Variants in GPR139 observed in about 807,000 individuals in gnomAD.
GPR139 encodes the protein G protein-coupled receptor 139, also known as probable G protein-coupled receptor 139.
GPR139 carries 12 observed loss-of-function variants against 25.8 expected under a neutral mutation model. The ratio of observed to expected loss-of-function variants is 0.47; its 90% CI spans 0.30 to 0.75. The LOEUF (loss-of-function observed/expected upper bound fraction) is 0.75. Ranked by LOEUF, GPR139 falls within the 30% of genes least tolerant of loss-of-function variation. GPR139 has a pLI of 0.07. For missense variants in GPR139, 380 were observed against 450.2 expected (o/e 0.84, Z 1.41); for synonymous variants, 184 against 179.9 (o/e 1.02, Z -0.18).
chr16:20,067,254 C>T (rs530725602), intron 1 of GPR139, among the ~76,000 whole-genome samples: 1 of 152,336 alleles, frequency 6.6e-6, no homozygotes, highest in East Asian at 1.9e-4. Context: ...CATCATTGGT[C>T]TATGCTCATG....
chr16:20,059,011 G>A (rs1323792388), intron 1 of GPR139, among the ~76,000 whole-genome samples: 1 of 152,144 alleles, frequency 6.6e-6, no homozygotes, highest in Non-Finnish European at 1.5e-5. Flanking sequence ...ATTTTATGTG[G>A]AGTCTGAAGG....
chr16:20,051,409 A>G (rs72772730), intron 1 of GPR139, among the ~76,000 whole-genome samples: 12,403 of 152,096 alleles, frequency 0.082, 594 homozygotes, highest in Non-Finnish European at 0.11. Flanking sequence ...CCCCAAGGCT[A>G]CCTCCCTAAT....
At chr16:20,044,594 T>A (rs2057347447) in intron 1 of GPR139, among the ~76,000 whole-genome samples, 2 of 152,012 alleles carry the variant, frequency 1.3e-5, no homozygotes, top group African/African-American at 4.8e-5. Context: ...AAAGAAGAGA[T>A]CCCTACTGTT....
intron 1 of GPR139, among the ~76,000 whole-genome samples, chr16:20,064,006 AAG>A (rs1162882288): frequency 2.0e-5 from 3 of 152,242 alleles, no homozygotes; most frequent in Non-Finnish European, 4.4e-5. Flanking sequence ...GGTGGCAGGA[AAG>A]AGAGAGCTAG....
Position 20,032,665 on chromosome 16 carries a change from A to G in GPR139, c.132T>C (p.Asn44=). The change falls in exon 2 of 2, where the codon AAT becomes AAC. Residue 44 remains asparagine, a synonymous_variant. Coordinates refer to ENST00000570682, the MANE Select transcript of GPR139 (RefSeq NM_001002911.4). ...GGGAGAGGATGATCACTGTCAAGAT[A>G]TTTGCTGTGGAGAGAAGAAAAACTG... ...SLLLCLGLPA[N]ILTVIILSQL... 1 of 1,601,228 alleles carries G rather than the reference A, an allele frequency of 6.2e-7. No homozygotes were observed. The highest frequency in any genetic ancestry group is 1.1e-5 in the South Asian group (1 of 90,522).
In GPR139 at chr16:20,041,253, A is replaced by AGGGGAGGAG. The variant is rs1324780661; in HGVS notation, c.128-8585_128-8584insCTCCTCCCC. On this transcript the variant is annotated intron_variant, in intron 1 of 1. Coordinates refer to ENST00000570682, the MANE Select transcript of GPR139 (RefSeq NM_001002911.4). The stretch of plus-strand genomic sequence containing the variant: ...GAGGAGAGGAGAGGAGAGGAGAGGG[A>AGGGGAGGAG]AGGAGAAAAGAAAAGCATCTCTCTC... Among the ~76,000 whole-genome samples the AGGGGAGGAG allele has an allele frequency of 6.5e-3, 7 of 1,084 alleles. 2 individuals carry two copies. The highest frequency in any genetic ancestry group is 0.015 in the African/African-American group (4 of 270). The allele number at this position is 1,084 out of a possible 152,430, so 0.7% of individuals were successfully genotyped here. A position where few individuals can be genotyped will look rare whatever the true frequency, so the allele number is the denominator to read the frequency against.
Position 20,051,062 on chromosome 16 carries a change from C to CAA in GPR139, c.128-18395_128-18394dup, listed in dbSNP as rs3041359. On this transcript the variant is annotated intron_variant, in intron 1 of 1. Transcript: ENST00000570682. ...TGGGCAACAGAGCAAGACCCTGTTT[C>CAA]AAAAAAAAAAAAAGAAAGAAAGAAA... 1.4e-4 allele frequency among the ~76,000 whole-genome samples: 17 copies of CAA among 121,386 alleles called. 2 individuals carry two copies. Among genetic ancestry groups the CAA allele is most frequent in the African/African-American group, 1.9e-4 (6 of 31,454 alleles). The allele number at this position is 121,386 out of a possible 152,430, so 79.6% of individuals were successfully genotyped here.
chr16:20,049,505 G>A (rs1223785097), intron 1 of GPR139, among the ~76,000 whole-genome samples: 1 of 152,202 alleles, frequency 6.6e-6, no homozygotes, highest in Admixed American at 6.5e-5. Context: ...TCTTTCCAAA[G>A]CGCTGTTAAG....
At chr16:20,068,526 A>AT (rs1195296994) in intron 1 of GPR139, among the ~76,000 whole-genome samples, 2 of 152,006 alleles carry the variant, frequency 1.3e-5, no homozygotes, top group Non-Finnish European at 2.9e-5. Flanking sequence ...AGTCTTTGTG[A>AT]TTTTCTAGGA....
intron 1 of GPR139, among the ~76,000 whole-genome samples, chr16:20,041,147 AGACGAGAGGGGAGGG>A (rs2057329975): frequency 5.7e-4 from 6 of 10,466 alleles, no homozygotes; most frequent in African/African-American, 1.7e-3. Context: ...AGAGGAGAGG[AGACGAGAGGGGAGGG>A]GAGGGGAGGG....
At chr16:20,033,118 C>G (rs182323227) in intron 1 of GPR139, among the ~76,000 whole-genome samples, 2 of 151,546 alleles carry the variant, frequency 1.3e-5, no homozygotes, top group South Asian at 4.2e-4. Context: ...GAGCCTCACA[C>G]AACCGTGGGA....
At chr16:20,039,586 A>G (rs1468095417) in intron 1 of GPR139, among the ~76,000 whole-genome samples, 1 of 152,182 alleles carries the variant, frequency 6.6e-6, no homozygotes. Flanking sequence ...ACAATATCTC[A>G]CTTAATCTTC....
At chr16:20,065,001 T>C (rs911434295) in intron 1 of GPR139, among the ~76,000 whole-genome samples, 1 of 152,214 alleles carries the variant, frequency 6.6e-6, no homozygotes, top group South Asian at 2.1e-4. Context: ...AGCCACATAT[T>C]TCTCTGTGTC....
rs377212287 is a variant in GPR139, at chr16:20,032,215, C to G, written c.582G>C (p.Val194=). 17 of 1,614,044 alleles carry G rather than the reference C, an allele frequency of 1.1e-5. No homozygotes were observed. In the African/African-American group the frequency reaches 2.3e-4, roughly 22 times the overall value. ...IWIHCFTVYL[V]PCSIFFILNS... is the part of the protein sequence containing the mutation. ...TCAAGATGAAGAAGATGGAGCAGGG[C>G]ACCAGGTAGACGGTGAAGCAGTGGA... The change falls in exon 2 of 2, where the codon GTG becomes GTC. Residue 194 remains valine, a synonymous_variant. Transcript: ENST00000570682.
chr16:20,073,394 C>A lies in GPR139; in HGVS notation c.127+96G>T. 6.6e-7 allele frequency: 1 copy of A among 1,520,978 alleles called. No individual in the cohort carries two copies. The highest frequency in any genetic ancestry group is 1.2e-5 in the South Asian group (1 of 82,828). The allele number at this position is 1,520,978 out of a possible 1,614,324, so 94.2% of individuals were successfully genotyped here. A position where few individuals can be genotyped will look rare whatever the true frequency, so the allele number is the denominator to read the frequency against. On this transcript the variant is annotated intron_variant, in intron 1 of 1. Transcript: ENST00000570682. The surrounding 1 kb of genome is among the most constrained non-coding windows in gnomAD (Gnocchi z 4.7). ...AAAGCTTAAACTTTTTCCGAGGGGG[C>A]GCCAGGGAACGCACGGGGGAGGACG... is the stretch of plus-strand genomic sequence containing the variant.
intron 1 of GPR139, among the ~76,000 whole-genome samples, chr16:20,066,338 G>A (rs2608181): frequency 0.021 from 3,192 of 152,246 alleles, 93 homozygotes; most frequent in African/African-American, 0.069. Flanking sequence ...GGTGTTTGTC[G>A]GTCTCTGCCA....
At position 20,069,925 on chromosome 16, in the gene GPR139, G is replaced by T. The variant is rs1416079454; in HGVS notation, c.127+3565C>A. Among the ~76,000 whole-genome samples, 4 of 152,248 alleles carry T rather than the reference G, an allele frequency of 2.6e-5. No homozygotes were observed. In the East Asian group the frequency reaches 5.8e-4, roughly 22 times the overall value. On this transcript the variant is annotated intron_variant, in intron 1 of 1. Coordinates refer to ENST00000570682, the MANE Select transcript of GPR139 (RefSeq NM_001002911.4). ...TGCTGACTTATTTTGTGTGTCTCGA[G>T]AAGTGAGAAACGTCTTTCTTACTTA...
intron 1 of GPR139, among the ~76,000 whole-genome samples, chr16:20,039,671 T>A (rs1272905945): frequency 6.6e-6 from 1 of 152,162 alleles, no homozygotes. Context: ...TTGTTTGAGA[T>A]CACACAGCTA....
At chr16:20,036,429 A>G (rs930041549) in intron 1 of GPR139, among the ~76,000 whole-genome samples, 2 of 152,216 alleles carry the variant, frequency 1.3e-5, no homozygotes, top group Non-Finnish European at 2.9e-5. Context: ...ACTGCCAATA[A>G]AGAAGTTTCC....
Sources: allele counts gnomAD v4.1 joint callset (sites outside exome capture counted in the v4.1 genomes callset), GRCh38; gene constraint gnomAD v4.1.1; non-coding constraint Gnocchi (gnomAD v3.1); transcripts MANE v1.5; gene names NCBI Gene and HGNC (gene_info 2026-07-23, HGNC 2026-07-21).